AANAT: variants seen among roughly 807,000 people sequenced by gnomAD.
The protein encoded by AANAT is serotonin N-acetyltransferase.
In AANAT, 11 loss-of-function variants were observed where a neutral mutation model predicts 15.6. The observed-to-expected ratio is 0.71, with a 90% confidence interval of 0.44 to 1.17. The LOEUF (loss-of-function observed/expected upper bound fraction) is 1.17, where lower values mean the gene tolerates loss of function less well. Ranked by LOEUF, AANAT falls within the 50% of genes most tolerant of loss-of-function variation. The probability of loss-of-function intolerance (pLI) is 0.00; values close to 1 mark genes in which losing one functional copy is unlikely to be tolerated. For missense variants in AANAT, 286 were observed against 296.3 expected (o/e 0.97, Z 0.26); for synonymous variants, 139 against 131.5 (o/e 1.06, Z -0.39).
At chr17:76,466,120 C>A, upstream of AANAT, 2 of 1,462,224 alleles carry the variant, frequency 1.4e-6, no homozygotes, top group Non-Finnish European at 9.3e-7. Context: ...GAACAGCAGG[C>A]TCTTCTCAGG....
chr17:76,469,837 T>C lies in AANAT; in HGVS notation c.491T>C (p.Leu164Pro), dbSNP rs1466340432. The C allele has an allele frequency of 1.9e-6, 3 of 1,605,150 alleles. No homozygotes were observed. The highest frequency in any genetic ancestry group is 2.5e-6 in the Non-Finnish European group (3 of 1,177,098). ...RRAALMCEDA[L>P]VPFYERFSFH... ...GCCGCGCTCATGTGCGAGGACGCGC[T>C]GGTACCCTTCTATGAGAGGTTCAGC... is the stretch of plus-strand genomic sequence containing the variant. The change falls in exon 4 of 4, where the codon CTG becomes CCG. Residue 164 changes from leucine to proline, a missense_variant. Transcript: ENST00000392492. The surrounding 1 kb of genome is among the most constrained non-coding windows in gnomAD (Gnocchi z 5.2).
intron 1 of AANAT, among the ~76,000 whole-genome samples, chr17:76,458,338 C>A (rs893829356): frequency 2.6e-5 from 4 of 152,212 alleles, no homozygotes; most frequent in Admixed American, 1.3e-4. Flanking sequence ...AGACCCTGAG[C>A]CCCCAGCCAC....
At chr17:76,467,404 C>T (rs1029387949), upstream of AANAT, 5 of 328,464 alleles carry the variant, frequency 1.5e-5, no homozygotes, top group African/African-American at 9.0e-5. Context: ...CTTAGCCCCA[C>T]GCTCTCTTCC....
rs1305680934 is a variant in AANAT at position 76,468,916 on chromosome 17, G to A, written c.163+7G>A. On this transcript the variant is annotated splice_region_variant and intron_variant, in intron 2 of 3. Coordinates refer to ENST00000392492, the MANE Select transcript of AANAT (RefSeq NM_001088.3). ...TTTGAGATCGAGCGTGAAGGTGAGTGGCCCCGCACAGGGTCAGAGGGATGC... is the reference window on the plus strand; with the variant it reads ...TTTGAGATCGAGCGTGAAGGTGAGTAGCCCCGCACAGGGTCAGAGGGATGC... 4 of 1,611,566 alleles carry A rather than the reference G, an allele frequency of 2.5e-6. No homozygotes were observed. The highest frequency in any genetic ancestry group is 2.5e-6 in the Non-Finnish European group (3 of 1,178,942).
chr17:76,469,868 C>T lies in AANAT; in HGVS notation c.522C>T (p.His174=), dbSNP rs202166172. Residue 174 remains histidine (H), a synonymous_variant, in exon 4 of 4, where the codon CAC becomes CAT. Transcript: ENST00000392492. The surrounding 1 kb of genome is among the most constrained non-coding windows in gnomAD (Gnocchi z 5.2). The stretch of plus-strand genomic sequence containing the variant: ...CCTTCTATGAGAGGTTCAGCTTCCA[C>T]GCCGTGGGCCCCTGCGCCATCACCG... ...LVPFYERFSF[H]AVGPCAITVG... is the part of the protein sequence containing the mutation. 191 of 1,594,370 alleles carry T rather than the reference C, an allele frequency of 1.2e-4. No individual in the cohort carries two copies. The East Asian group carries it at 3.8e-3, about 31-fold the overall frequency.
intron 1 of AANAT, among the ~76,000 whole-genome samples, chr17:76,456,653 G>A (rs1019978047): frequency 6.6e-6 from 1 of 152,102 alleles, no homozygotes; most frequent in Non-Finnish European, 1.5e-5. Context: ...GTAGAGACCT[G>A]GGAGATTAAA....
intron 2 of AANAT, among the ~76,000 whole-genome samples, chr17:76,460,316 AT>A (rs1484890735): frequency 6.6e-6 from 1 of 151,288 alleles, no homozygotes; most frequent in Non-Finnish European, 1.5e-5. Flanking sequence ...CACCTGGGTA[AT>A]TTTTTTGTAT....
intron 2 of AANAT, among the ~76,000 whole-genome samples, chr17:76,461,033 C>T (rs2073383393): frequency 6.6e-6 from 1 of 151,636 alleles, no homozygotes; most frequent in Non-Finnish European, 1.5e-5. Context: ...GGCGTGGTGG[C>T]ATGTGCCTGT....
chr17:76,463,072 C>T (rs2073404736), upstream of AANAT, among the ~76,000 whole-genome samples: 1 of 152,144 alleles, frequency 6.6e-6, no homozygotes, highest in Admixed American at 6.6e-5. Context: ...TGCACTGGGC[C>T]CGGTGGGGAT....
upstream of AANAT, among the ~76,000 whole-genome samples, chr17:76,465,439 GATCTTC>G (rs900185219): frequency 2.0e-5 from 3 of 149,970 alleles, no homozygotes; most frequent in African/African-American, 7.4e-5. Context: ...AGGCTCAAGT[GATCTTC>G]CCACCTCAGC....
chr17:76,469,733 CT>C lies in AANAT; in HGVS notation c.389del (p.Phe130SerfsTer116). On this transcript the variant is annotated frameshift_variant, in exon 4 of 4. Transcript: ENST00000392492. LOFTEE classifies it high-confidence loss of function. This position sits in a 1 kb window ranked among gnomAD's most constrained non-coding sequence, Gnocchi z 5.2. ...HLHVLAVHRA[F>X]RQQGRGPILL... is the part of the protein sequence containing the mutation. ...TGCATGTGCTGGCCGTGCACCGCGCCTTCCGGCAGCAGGGCAGGGGCCCCAT... is the reference window on the plus strand; with the variant it reads ...TGCATGTGCTGGCCGTGCACCGCGCCTCCGGCAGCAGGGCAGGGGCCCCAT... 1 of 1,558,694 alleles carries C rather than the reference CT, an allele frequency of 6.4e-7. No homozygotes were observed.
Position 76,469,704 on chromosome 17 carries a change from C to A in AANAT, c.358C>A (p.His120Asn). The A allele has an allele frequency of 6.5e-7, 1 of 1,532,210 alleles. No individual in the cohort carries two copies. Among genetic ancestry groups the A allele is most frequent in the Non-Finnish European group, 8.8e-7 (1 of 1,138,136 alleles). 94.9% of individuals were successfully genotyped at this position (1,532,210 alleles called of 1,614,324 possible). ...TLHRSGGHIA[H>N]LHVLAVHRAF... ...GCACAGGTCTGGGGGCCACATAGCC[C>A]ACCTGCATGTGCTGGCCGTGCACCG... The change falls in exon 4 of 4, where the codon CAC (histidine) becomes AAC (asparagine). Residue 120 changes from histidine (H) to asparagine (N), a missense_variant. By Grantham distance (68) the His-to-Asn change is moderately conservative. Transcript: ENST00000392492. The surrounding 1 kb of genome is among the most constrained non-coding windows in gnomAD (Gnocchi z 5.2).
upstream of AANAT, among the ~76,000 whole-genome samples, chr17:76,464,496 G>A (rs1281761448): frequency 6.6e-6 from 1 of 152,176 alleles, no homozygotes; most frequent in Non-Finnish European, 1.5e-5. Context: ...AAAGAGGCCA[G>A]GCTGGGTGGA....
Position 76,470,059 on chromosome 17 carries a change from A to G in AANAT, c.*89A>G. On this transcript the variant is annotated 3_prime_UTR_variant, in exon 4 of 4. Transcript: ENST00000392492. ...GCTGAGCATGGAGACAGCAGTTTCC[A>G]GAGAGTGGAGAGAGCAGGGCTAAAT... 1 of 1,305,636 alleles carries G rather than the reference A, an allele frequency of 7.7e-7. No individual in the cohort carries two copies. Among genetic ancestry groups the G allele is most frequent in the South Asian group, 1.6e-5 (1 of 62,326 alleles). 80.9% of individuals were successfully genotyped at this position (1,305,636 alleles called of 1,614,324 possible).
intron 1 of AANAT, among the ~76,000 whole-genome samples, chr17:76,456,241 G>C (rs967710444): frequency 5.3e-5 from 8 of 151,620 alleles, no homozygotes; most frequent in Admixed American, 6.6e-5. Flanking sequence ...TGAGGCAGGA[G>C]AATCACTTGA....
chr17:76,460,934 G>T (rs1289743762), intron 2 of AANAT, among the ~76,000 whole-genome samples: 2 of 152,138 alleles, frequency 1.3e-5, no homozygotes, highest in Non-Finnish European at 2.9e-5. Context: ...GGAGGCTGAG[G>T]GGGGCAGATT....
intron 1 of AANAT, among the ~76,000 whole-genome samples, chr17:76,456,051 G>A (rs1321481202): frequency 1.3e-5 from 2 of 151,916 alleles, no homozygotes; most frequent in Admixed American, 1.3e-4. Flanking sequence ...CATGCACAAG[G>A]TCGGGCACGG....
chr17:76,466,555 A>G (rs559562261), upstream of AANAT, among the ~76,000 whole-genome samples: 1 of 151,798 alleles, frequency 6.6e-6, no homozygotes, highest in East Asian at 2.0e-4. Flanking sequence ...TCATGAAGAC[A>G]GGAAACAGGA....
intron 1 of AANAT, among the ~76,000 whole-genome samples, chr17:76,458,494 C>G (rs990482398): frequency 2.0e-5 from 3 of 152,260 alleles, no homozygotes; most frequent in Admixed American, 6.5e-5. Context: ...ATGGCCCCAT[C>G]TCCCAGCCTT....
Sources: gnomAD v4.1 joint callset for allele counts (sites outside exome capture counted in the v4.1 genomes callset) on GRCh38, gnomAD v4.1.1 for gene constraint, Gnocchi (gnomAD v3.1) non-coding constraint, MANE v1.5 for transcripts, NCBI Gene and HGNC (gene_info 2026-07-23, HGNC 2026-07-21) for gene names.